The following PARD3B variants were observed in gnomAD, a reference collection of about 807,000 sequenced individuals.
PARD3B encodes the protein partitioning defective 3 homolog B.
Under a neutral mutation model 130.2 loss-of-function variants are expected in PARD3B, and 103 were observed. The observed-to-expected ratio is 0.79, with a 90% CI of 0.67 to 0.93. The LOEUF (loss-of-function observed/expected upper bound fraction) is 0.93. Ranked by LOEUF, PARD3B falls within the 40% of genes least tolerant of loss-of-function variation. The pLI is 0.00. For missense variants in PARD3B, 1,609 were observed against 1,499.2 expected, an observed-to-expected ratio of 1.07 and a Z score of -1.21; for synonymous variants, 583 against 553.2, an observed-to-expected ratio of 1.05 and a Z score of -0.76.
chr2:205,289,193 A>T (rs1412870344), intron 16 of PARD3B, among the ~76,000 whole-genome samples: 2 of 152,214 alleles, frequency 1.3e-5, no homozygotes, highest in African/African-American at 4.8e-5. Context: ...ATGATTTGAA[A>T]AGTGATAAGA....
At chr2:204,749,405 A>AT (rs1344150902) in intron 2 of PARD3B, among the ~76,000 whole-genome samples, 8 of 151,984 alleles carry the variant, frequency 5.3e-5, no homozygotes, top group Non-Finnish European at 1.2e-4. Flanking sequence ...CTATTTCTTC[A>AT]TTTTTAGGAT....
chr2:205,555,113 G>C (rs1032428707), intron 22 of PARD3B, among the ~76,000 whole-genome samples: 1 of 152,190 alleles, frequency 6.6e-6, no homozygotes, highest in African/African-American at 2.4e-5. Context: ...ATGGAAAATA[G>C]AATGTTCTTA....
chr2:205,142,257 T>A lies in PARD3B; in HGVS notation c.1435-16465T>A, dbSNP rs955454677. On this transcript the variant is annotated intron_variant, in intron 10 of 22. Coordinates refer to ENST00000406610, the MANE Select transcript of PARD3B (RefSeq NM_001302769.2). The surrounding 1 kb of genome is among the most constrained non-coding windows in gnomAD (Gnocchi z 4.3). ...GAGCATAAGTTTTAGGTGGAGAGAA[T>A]CCCATTTAAATAGTTAAAGAAGGTA... 3.3e-5 allele frequency among the ~76,000 whole-genome samples: 5 copies of A among 152,134 alleles called. No homozygotes were observed. The highest frequency in any genetic ancestry group is 7.4e-5 in the Non-Finnish European group (5 of 68,014).
At chr2:205,045,829 C>T (rs1327335730) in intron 3 of PARD3B, among the ~76,000 whole-genome samples, 1 of 151,916 alleles carries the variant, frequency 6.6e-6, no homozygotes, top group Admixed American at 6.6e-5. Flanking sequence ...ATATATATGA[C>T]TCAGCTGCAT....
chr2:204,552,132 T>G (rs2030509243), intron 1 of PARD3B, among the ~76,000 whole-genome samples: 1 of 152,206 alleles, frequency 6.6e-6, no homozygotes, highest in Admixed American at 6.5e-5. Flanking sequence ...TCAGCTGCTT[T>G]TGGAAACCAC....
rs61076057 is a variant in PARD3B, at chr2:205,498,198, T to TA, written c.3045-1679dup. ...CTGGGTGACAGAGTAAGACTCTGAC[T>TA]AAAAAAAAAAAAAAAAAAACAGGCC... On this transcript the variant is annotated intron_variant, in intron 20 of 22. Coordinates refer to ENST00000406610, the MANE Select transcript of PARD3B (RefSeq NM_001302769.2). Among the ~76,000 whole-genome samples, 133 of 124,548 alleles carry TA rather than the reference T, an allele frequency of 1.1e-3. 1 individual carries two copies. The highest frequency in any genetic ancestry group is 2.4e-3 in the African/African-American group (77 of 32,634). 81.7% of individuals were successfully genotyped at this position (124,548 alleles called of 152,430 possible).
chr2:205,477,393 C>A lies in PARD3B; in HGVS notation c.3045-22503C>A, dbSNP rs569747470. Among the ~76,000 whole-genome samples, 3 of 152,244 alleles carry A rather than the reference C, an allele frequency of 2.0e-5. No individual in the cohort carries two copies. In the South Asian group the frequency reaches 6.2e-4, roughly 32 times the overall value. On this transcript the variant is annotated intron_variant, in intron 20 of 22. Coordinates refer to ENST00000406610, the MANE Select transcript of PARD3B (RefSeq NM_001302769.2). ...TTGCCACTCTAGTTGCTGTCTCCCA[C>A]AAAATTTGAGTCATACCTCAACTGT...
At position 205,265,950 on chromosome 2, in the gene PARD3B, A is replaced by G. The variant is rs1036375665; in HGVS notation, c.2185+20128A>G. Among the ~76,000 whole-genome samples the G allele has an allele frequency of 1.3e-5, 2 of 152,078 alleles. No homozygotes were observed. Among genetic ancestry groups the G allele is most frequent in the Admixed American group, 1.3e-4 (2 of 15,268 alleles). On this transcript the variant is annotated intron_variant, in intron 16 of 22. Coordinates refer to ENST00000406610, the MANE Select transcript of PARD3B (RefSeq NM_001302769.2). The surrounding 1 kb of genome is among the most constrained non-coding windows in gnomAD (Gnocchi z 4.3). ...GAGAGAAGGGCTTTTGATTTTTGTT[A>G]AAAGCAGCATGCACATCCTATAAGG...
intron 1 of PARD3B, among the ~76,000 whole-genome samples, chr2:204,683,905 C>CAA (rs1232314353): frequency 6.6e-6 from 1 of 152,006 alleles, no homozygotes; most frequent in African/African-American, 2.4e-5. Flanking sequence ...TCTTTTGAAT[C>CAA]AAATTAGAGA....
Position 205,508,449 on chromosome 2 carries a change from G to A in PARD3B, c.3180+8418G>A, listed in dbSNP as rs543478507. Among the ~76,000 whole-genome samples the A allele has an allele frequency of 2.0e-5, 3 of 152,090 alleles. No homozygotes were observed. In the South Asian group the frequency reaches 6.2e-4, roughly 32 times the overall value. ...TATGGGGGTGTGGTGGCATGCATCT[G>A]TGGTCCCAGCTACATGAGAGGCTGA... On this transcript the variant is annotated intron_variant, in intron 21 of 22. Coordinates refer to ENST00000406610, the MANE Select transcript of PARD3B (RefSeq NM_001302769.2).
chr2:205,546,038 G>T (rs542703066), intron 21 of PARD3B, among the ~76,000 whole-genome samples: 46 of 152,236 alleles, frequency 3.0e-4, no homozygotes, highest in Admixed American at 1.2e-3. Context: ...TTTTAACAAG[G>T]CTCCTAACAC....
At chr2:205,038,122 T>G (rs1283304552) in intron 3 of PARD3B, among the ~76,000 whole-genome samples, 2 of 152,114 alleles carry the variant, frequency 1.3e-5, no homozygotes, top group African/African-American at 4.8e-5. Context: ...GTGGTCTGTT[T>G]GGCATATACA....
intron 18 of PARD3B, among the ~76,000 whole-genome samples, chr2:205,363,588 T>G (rs2044478191): frequency 6.6e-6 from 1 of 152,192 alleles, no homozygotes; most frequent in Non-Finnish European, 1.5e-5. Flanking sequence ...GAACTCACCC[T>G]TGGGAAAACA....
chr2:204,736,517 T>C (rs1482303408), intron 2 of PARD3B, among the ~76,000 whole-genome samples: 3 of 152,148 alleles, frequency 2.0e-5, no homozygotes, highest in Non-Finnish European at 4.4e-5. Flanking sequence ...AGTGAGGACA[T>C]ACAGTTTTTG....
chr2:205,409,994 T>G (rs1194272798), intron 19 of PARD3B, among the ~76,000 whole-genome samples: 4 of 152,182 alleles, frequency 2.6e-5, no homozygotes, highest in African/African-American at 9.6e-5. Context: ...CATAATTTTT[T>G]TGTAATTCAC....
intron 1 of PARD3B, among the ~76,000 whole-genome samples, chr2:204,569,724 T>C (rs2031878678): frequency 6.6e-6 from 1 of 152,336 alleles, no homozygotes; most frequent in South Asian, 2.1e-4. Flanking sequence ...TTATGAATAG[T>C]GCTTTAGATT....
chr2:204,651,579 C>G (rs1179157767), intron 1 of PARD3B, among the ~76,000 whole-genome samples: 1 of 152,192 alleles, frequency 6.6e-6, no homozygotes, highest in Non-Finnish European at 1.5e-5. Context: ...TTCCTAGACA[C>G]ATGGTATAAG....
chr2:205,440,877 G>A lies in PARD3B; in HGVS notation c.3044+205G>A, dbSNP rs930507671. ...TAGCCAATTGTAAGGTGGCATGAAT[G>A]AATAGTAGTAGCAGAGTTCATGATG... On this transcript the variant is annotated intron_variant, in intron 20 of 22. Coordinates refer to ENST00000406610, the MANE Select transcript of PARD3B (RefSeq NM_001302769.2). The surrounding 1 kb of genome is among the most constrained non-coding windows in gnomAD (Gnocchi z 4.2). Among the ~76,000 whole-genome samples, 5 of 152,210 alleles carry A rather than the reference G, an allele frequency of 3.3e-5. No individual in the cohort carries two copies. The highest frequency in any genetic ancestry group is 4.8e-5 in the African/African-American group (2 of 41,456).
rs59437708 is a variant in PARD3B, at chr2:205,187,241, C to G, written c.2024+1378C>G. ...ATGAGCCCAGGAAGAAAGGGCATTT[C>G]GGGAGGGAAGAGCAGCAGAAGAAAC... On this transcript the variant is annotated intron_variant, in intron 14 of 22. Transcript: ENST00000406610. The surrounding 1 kb of genome is among the most constrained non-coding windows in gnomAD (Gnocchi z 4.9). 1.3e-5 allele frequency among the ~76,000 whole-genome samples: 2 copies of G among 152,036 alleles called. No homozygotes were observed. Among genetic ancestry groups the G allele is most frequent in the Admixed American group, 1.3e-4 (2 of 15,274 alleles).
Sources: gnomAD v4.1 joint callset for allele counts (sites outside exome capture counted in the v4.1 genomes callset) on GRCh38, gnomAD v4.1.1 for gene constraint, Gnocchi (gnomAD v3.1) non-coding constraint, MANE v1.5 for transcripts, NCBI Gene and HGNC (gene_info 2026-07-23, HGNC 2026-07-21) for gene names.